The following KALRN variants were observed in gnomAD, a reference collection of about 807,000 sequenced individuals.
KALRN encodes the protein kalirin.
Under a neutral mutation model 353.7 loss-of-function variants are expected in KALRN, and 70 were observed. The observed-to-expected ratio is 0.20, with a 90% CI of 0.16 to 0.24. The LOEUF (loss-of-function observed/expected upper bound fraction) is 0.24. KALRN is among the 10% of genes least tolerant of loss of function. The pLI is 1.00. For missense variants in KALRN, 2,791 were observed against 3,756.7 expected (o/e 0.74, Z 6.72); for synonymous variants, 1,391 against 1,434.8 (o/e 0.97, Z 0.69).
At chr3:124,231,014 G>T (rs949470275) in intron 2 of KALRN, among the ~76,000 whole-genome samples, 1 of 152,234 alleles carries the variant, frequency 6.6e-6, no homozygotes, top group African/African-American at 2.4e-5. Context: ...AGAAAGCGCT[G>T]CAAGGAAGGT....
At chr3:124,440,869 A>G (rs1425358294) in intron 18 of KALRN, among the ~76,000 whole-genome samples, 3 of 151,918 alleles carry the variant, frequency 2.0e-5, no homozygotes, top group African/African-American at 7.3e-5. Context: ...GAGAGGAACA[A>G]GAAATACTGT....
chr3:124,181,756 T>C (rs1191397283), intron 1 of KALRN, among the ~76,000 whole-genome samples: 1 of 152,166 alleles, frequency 6.6e-6, no homozygotes, highest in Non-Finnish European at 1.5e-5. Flanking sequence ...GATATGAATG[T>C]GCTGTGCAAC....
chr3:124,261,023 A>G (rs1288112688), intron 3 of KALRN, among the ~76,000 whole-genome samples: 1 of 151,052 alleles, frequency 6.6e-6, no homozygotes, highest in Non-Finnish European at 1.5e-5. Context: ...ATAGTATGAT[A>G]TAGTAACCTG....
chr3:124,659,712 T>C (rs548411996), intron 43 of KALRN, among the ~76,000 whole-genome samples: 9 of 152,252 alleles, frequency 5.9e-5, no homozygotes, highest in South Asian at 2.1e-4. Context: ...ATTTTTTCAA[T>C]TCACATTCTT....
intron 38 of KALRN, among the ~76,000 whole-genome samples, chr3:124,652,402 C>G (rs1480200148): frequency 6.6e-6 from 1 of 152,206 alleles, no homozygotes; most frequent in East Asian, 1.9e-4. Context: ...AAATGCCATA[C>G]CCAAAGGGAA....
intron 1 of KALRN, among the ~76,000 whole-genome samples, chr3:124,158,092 G>C (rs1176653942): frequency 6.6e-6 from 1 of 152,204 alleles, no homozygotes; most frequent in Non-Finnish European, 1.5e-5. Context: ...GGTGTGCCTT[G>C]TAAACTTCAG....
chr3:124,134,325 C>T (rs966025543), intron 1 of KALRN, among the ~76,000 whole-genome samples: 4 of 152,076 alleles, frequency 2.6e-5, no homozygotes, highest in African/African-American at 9.7e-5. Flanking sequence ...ATTGACTACC[C>T]ACATGTAGAA....
intron 14 of KALRN, among the ~76,000 whole-genome samples, chr3:124,419,198 A>G (rs1351176475): frequency 6.6e-6 from 1 of 151,950 alleles, no homozygotes; most frequent in Non-Finnish European, 1.5e-5. Flanking sequence ...ACCTGTCAGT[A>G]AGATTTTATA....
At chr3:124,166,947 A>G (rs1404221651) in intron 1 of KALRN, among the ~76,000 whole-genome samples, 1 of 152,174 alleles carries the variant, frequency 6.6e-6, no homozygotes, top group South Asian at 2.1e-4. Context: ...TGTGAGACTG[A>G]GACAGGAGAA....
At position 124,664,474 on chromosome 3, in the gene KALRN, G is replaced by C. The variant is rs549314476; in HGVS notation, c.6346-1975G>C. On this transcript the variant is annotated intron_variant, in intron 45 of 59. Transcript: ENST00000682506. ...CGCCCAGGCTGGAGTACAGTGGCAT[G>C]ATCTCAGCTCACTGCAACCTCCGCC... Among the ~76,000 whole-genome samples the C allele has an allele frequency of 1.6e-4, 24 of 150,838 alleles. No individual in the cohort carries two copies. In the East Asian group the frequency reaches 3.9e-3, roughly 25 times the overall value.
chr3:124,531,096 A>G (rs1269259826), intron 33 of KALRN, among the ~76,000 whole-genome samples: 1 of 152,190 alleles, frequency 6.6e-6, no homozygotes, highest in Non-Finnish European at 1.5e-5. Flanking sequence ...AGACAGAAAG[A>G]TAATTCTGAA....
rs12695437 is a variant in KALRN at position 124,299,183 on chromosome 3, C to T, written c.1092+270C>T. 0.18 allele frequency among the ~76,000 whole-genome samples: 27,709 copies of T among 152,116 alleles called. 2,631 individuals are homozygous for T. The highest frequency in any genetic ancestry group is 0.29 in the South Asian group (1,382 of 4,818). Reference sequence around the variant, plus strand: ...TTGGCTCAGCTCAAGTCTAGAAGGGCGAGTTCCACCAGTTCCACTTCACTG... The same window carrying T: ...TTGGCTCAGCTCAAGTCTAGAAGGGTGAGTTCCACCAGTTCCACTTCACTG... On this transcript the variant is annotated intron_variant, in intron 6 of 59. Transcript: ENST00000682506.
At chr3:124,534,734 A>G (rs77945479) in intron 33 of KALRN, among the ~76,000 whole-genome samples, 3,275 of 152,230 alleles carry the variant, frequency 0.022, 64 homozygotes, top group East Asian at 0.072. Flanking sequence ...TGAGGTGTCT[A>G]ATTCTAAGCA....
chr3:124,068,299 G>C (rs1206929041), intron 1 of KALRN, among the ~76,000 whole-genome samples: 7 of 152,160 alleles, frequency 4.6e-5, no homozygotes, highest in African/African-American at 7.2e-5. Flanking sequence ...GCCTCTACTT[G>C]GTGTAACCTG....
intron 1 of KALRN, among the ~76,000 whole-genome samples, chr3:124,223,608 T>C (rs1033728660): frequency 3.9e-5 from 6 of 152,302 alleles, no homozygotes; most frequent in African/African-American, 1.4e-4. Context: ...CCTCCAATGC[T>C]CTATAAACGC....
At chr3:124,507,929 G>A (rs148377032) in intron 33 of KALRN, among the ~76,000 whole-genome samples, 2,940 of 152,238 alleles carry the variant, frequency 0.019, 61 homozygotes, top group Admixed American at 0.045. Flanking sequence ...TGGCCTTGAA[G>A]TTCATCTTCC....
chr3:124,257,534 G>GATCA (rs2072193201), intron 3 of KALRN, among the ~76,000 whole-genome samples: 1 of 152,362 alleles, frequency 6.6e-6, no homozygotes, highest in Admixed American at 6.5e-5. Flanking sequence ...AGAAACAGCT[G>GATCA]ATCAATCATC....
intron 11 of KALRN, among the ~76,000 whole-genome samples, chr3:124,385,734 G>A (rs1263810240): frequency 6.6e-6 from 1 of 152,098 alleles, no homozygotes; most frequent in East Asian, 1.9e-4. Context: ...AGAGCAGAGG[G>A]GCCCCATAGA....
chr3:124,307,658 C>G (rs1414006836), intron 6 of KALRN, among the ~76,000 whole-genome samples: 1 of 151,602 alleles, frequency 6.6e-6, no homozygotes, highest in East Asian at 1.9e-4. Flanking sequence ...AGTAAAGATA[C>G]CAAGATGCTA....
Sources: gnomAD v4.1 joint callset for allele counts (sites outside exome capture counted in the v4.1 genomes callset) on GRCh38, gnomAD v4.1.1 for gene constraint, MANE v1.5 for transcripts, NCBI Gene and HGNC (gene_info 2026-07-23, HGNC 2026-07-21) for gene names.